Variants in MAGI2 observed in about 807,000 individuals in gnomAD.
MAGI2 encodes the protein membrane associated guanylate kinase, WW and PDZ domain containing 2.
A neutral mutation model predicts 133.3 loss-of-function variants in MAGI2; 35 were observed. The observed-to-expected ratio is 0.26, with a 90% confidence interval of 0.20 to 0.35. The LOEUF is 0.35. MAGI2 is among the 10% of genes least tolerant of loss of function. The probability of loss-of-function intolerance (pLI) is 1.00; values close to 1 mark genes in which losing one functional copy is unlikely to be tolerated. For synonymous variants in MAGI2, 729 were observed against 710.6 expected (o/e 1.03, Z -0.41); for missense variants, 1,636 against 1,863.4 (o/e 0.88, Z 2.25).
At chr7:78,788,802 T>C (rs1827042606) in intron 2 of MAGI2, among the ~76,000 whole-genome samples, 1 of 152,346 alleles carries the variant, frequency 6.6e-6, no homozygotes, top group South Asian at 2.1e-4. Context: ...AGATGTTCCT[T>C]GAAACATCTT....
intron 2 of MAGI2, among the ~76,000 whole-genome samples, chr7:78,911,231 A>G (rs1405495999): frequency 6.6e-6 from 1 of 152,168 alleles, no homozygotes; most frequent in Non-Finnish European, 1.5e-5. Flanking sequence ...ATTGAGGGTG[A>G]CTTTTTTTTT....
chr7:79,088,621 A>G (rs1816752352), intron 1 of MAGI2, among the ~76,000 whole-genome samples: 1 of 152,018 alleles, frequency 6.6e-6, no homozygotes, highest in Non-Finnish European at 1.5e-5. Flanking sequence ...GCTTTTGCCT[A>G]TTCAGTATGA....
At position 79,062,458 on chromosome 7, in the gene MAGI2, T is replaced by G. The variant is rs558396433; in HGVS notation, c.302-55252A>C. Among the ~76,000 whole-genome samples, 32 of 152,280 alleles carry G rather than the reference T, an allele frequency of 2.1e-4. No homozygotes were observed. The Middle Eastern group carries it at 0.014, about 65-fold the overall frequency. On this transcript the variant is annotated intron_variant, in intron 1 of 21. Transcript: ENST00000354212. The stretch of plus-strand genomic sequence containing the variant: ...GTTTTTTGAAGCTCCGTCTGGCTCC[T>G]CCCTGTCATCCTTGTTTTCTGTTCT...
chr7:79,337,267 G>T (rs999757976), intron 1 of MAGI2, among the ~76,000 whole-genome samples: 13 of 152,170 alleles, frequency 8.5e-5, no homozygotes, highest in South Asian at 2.1e-4. Flanking sequence ...ACTTTAAAAG[G>T]TGTGTGAAAT....
chr7:78,570,606 C>T (rs1801404415), intron 3 of MAGI2, among the ~76,000 whole-genome samples: 1 of 152,040 alleles, frequency 6.6e-6, no homozygotes, highest in African/African-American at 2.4e-5. Context: ...ATGATAAAAA[C>T]CTTTTTTTTC....
At chr7:79,091,931 C>G (rs971152146) in intron 1 of MAGI2, among the ~76,000 whole-genome samples, 1 of 151,680 alleles carries the variant, frequency 6.6e-6, no homozygotes, top group Non-Finnish European at 1.5e-5. Flanking sequence ...AAGCAGAAGG[C>G]CATATTTGAC....
At chr7:79,337,361 ACT>A (rs1194483201) in intron 1 of MAGI2, among the ~76,000 whole-genome samples, 2 of 152,158 alleles carry the variant, frequency 1.3e-5, no homozygotes, top group Non-Finnish European at 2.9e-5. Flanking sequence ...AGCATGTGAG[ACT>A]CTGCTGCATT....
At chr7:78,039,862 G>T (rs1384315026) in intron 21 of MAGI2, among the ~76,000 whole-genome samples, 1 of 152,182 alleles carries the variant, frequency 6.6e-6, no homozygotes, top group Non-Finnish European at 1.5e-5. Context: ...AAAAATGTGG[G>T]GAGTTATTCC....
chr7:79,167,759 T>C (rs1585098583), intron 1 of MAGI2, among the ~76,000 whole-genome samples: 2 of 152,226 alleles, frequency 1.3e-5, no homozygotes, highest in East Asian at 3.9e-4. Flanking sequence ...ATTACATTTA[T>C]GCCCACCACT....
At chr7:79,053,645 C>G (rs1188463407) in intron 1 of MAGI2, among the ~76,000 whole-genome samples, 1 of 152,150 alleles carries the variant, frequency 6.6e-6, no homozygotes, top group African/African-American at 2.4e-5. Flanking sequence ...AGCTCCCACA[C>G]ATGTAATGTA....
chr7:79,137,824 T>C (rs1020911563), intron 1 of MAGI2, among the ~76,000 whole-genome samples: 1 of 152,046 alleles, frequency 6.6e-6, no homozygotes, highest in Admixed American at 6.6e-5. Flanking sequence ...ACAACATATG[T>C]CTATGTCTTC....
intron 1 of MAGI2, among the ~76,000 whole-genome samples, chr7:79,141,290 A>C (rs1459342469): frequency 1.3e-5 from 2 of 152,216 alleles, no homozygotes; most frequent in Non-Finnish European, 2.9e-5. Flanking sequence ...GATACTAAAA[A>C]TACAGAGAAA....
At chr7:78,384,070 T>TA (rs1795164753) in intron 6 of MAGI2, among the ~76,000 whole-genome samples, 1 of 122,758 alleles carries the variant, frequency 8.1e-6, no homozygotes, top group African/African-American at 2.8e-5. Context: ...TTGCTTTGGC[T>TA]ATTTGTGCTC....
intron 6 of MAGI2, among the ~76,000 whole-genome samples, chr7:78,398,204 C>T (rs932493277): frequency 6.6e-6 from 1 of 152,162 alleles, no homozygotes; most frequent in African/African-American, 2.4e-5. Context: ...GAAATCGAAA[C>T]AGCAGCATTG....
chr7:78,833,084 G>T (rs1214701167), intron 2 of MAGI2, among the ~76,000 whole-genome samples: 1 of 152,086 alleles, frequency 6.6e-6, no homozygotes, highest in Admixed American at 6.6e-5. Context: ...TTCACATCAT[G>T]TTTCTATGGA....
intron 17 of MAGI2, chr7:78,134,336 T>G (rs962610690): frequency 4.6e-5 from 7 of 152,184 alleles, no homozygotes; most frequent in African/African-American, 1.7e-4. Flanking sequence ...GCTCCAGAAA[T>G]GGAATTCTTC....
At chr7:79,230,909 G>T (rs1241544713) in intron 1 of MAGI2, among the ~76,000 whole-genome samples, 1 of 131,498 alleles carries the variant, frequency 7.6e-6, no homozygotes, top group Admixed American at 7.8e-5. Context: ...TTTCTTCTAG[G>T]GTTTTTATGG....
chr7:78,245,156 T>A (rs1352119297), intron 10 of MAGI2, among the ~76,000 whole-genome samples: 2 of 152,018 alleles, frequency 1.3e-5, no homozygotes, highest in East Asian at 3.9e-4. Context: ...ACTGAAAAAA[T>A]TACGAGAAAC....
chr7:78,408,199 A>T (rs1797561873), intron 6 of MAGI2, among the ~76,000 whole-genome samples: 1 of 152,064 alleles, frequency 6.6e-6, no homozygotes, highest in Admixed American at 6.6e-5. Flanking sequence ...TGACACTCTG[A>T]ACTACTGTGC....
Sources: gnomAD v4.1 joint callset for allele counts (sites outside exome capture counted in the v4.1 genomes callset) on GRCh38, gnomAD v4.1.1 for gene constraint, MANE v1.5 for transcripts, NCBI Gene and HGNC (gene_info 2026-07-23, HGNC 2026-07-21) for gene names.